Variants in CREBBP observed in about 807,000 individuals in gnomAD.
CREBBP encodes CREB-binding protein.
In CREBBP, 19 loss-of-function variants were observed where a neutral mutation model predicts 265.0. The ratio of observed to expected loss-of-function variants is 0.07; its 90% CI spans 0.05 to 0.11. The LOEUF is 0.11. Ranked by LOEUF, CREBBP falls within the 10% of genes least tolerant of loss-of-function variation. CREBBP has a pLI of 1.00. For synonymous variants in CREBBP, 1,457 were observed against 1,223.7 expected (o/e 1.19, Z -3.98); for missense variants, 2,525 against 3,219.0 (o/e 0.78, Z 5.22).
At chr16:3,748,104 A>ATACATACATAC (rs1567279738) in intron 21 of CREBBP, among the ~76,000 whole-genome samples, 4 of 150,680 alleles carry the variant, frequency 2.7e-5, no homozygotes, top group African/African-American at 7.4e-5. Flanking sequence ...AATAAAAATA[A>ATACATACATAC]ATACATACAT....
At chr16:3,743,798 G>C (rs2052273497) in intron 23 of CREBBP, 1 of 152,194 alleles carries the variant, frequency 6.6e-6, no homozygotes, top group Non-Finnish European at 1.5e-5. Flanking sequence ...AAAAAAGTCA[G>C]CCGGGCGCGG....
chr16:3,810,472 A>C, intron 3 of CREBBP, 131 bp downstream of exon 3: 2 of 1,050,470 alleles, frequency 1.9e-6, no homozygotes, highest in Non-Finnish European at 3.0e-6. Flanking sequence ...TACTCATGAG[A>C]AATCTGGGTT....
intron 5 of CREBBP, among the ~76,000 whole-genome samples, chr16:3,785,261 T>C (rs187235064): frequency 1.3e-5 from 2 of 152,254 alleles, no homozygotes; most frequent in African/African-American, 2.4e-5. Context: ...GTGACTCCTG[T>C]ACCCGCTTGT....
Position 3,764,956 on chromosome 16 carries a change from G to T in CREBBP, c.3250+2764C>A, listed in dbSNP as rs565517941. On this transcript the variant is annotated intron_variant, in intron 16 of 30. Transcript: ENST00000262367. ...CTTAAGCGTTTGGTACATGTGTGTG[G>T]TTTTTTTTTTTGTTTTGTTTTTGTT... Among the ~76,000 whole-genome samples, 53 of 145,726 alleles carry T rather than the reference G, an allele frequency of 3.6e-4. 1 individual carries two copies. The highest frequency in any genetic ancestry group is 1.2e-3 in the African/African-American group (49 of 40,118).
At chr16:3,783,748 C>A (rs917942422) in intron 5 of CREBBP, among the ~76,000 whole-genome samples, 6 of 152,228 alleles carry the variant, frequency 3.9e-5, no homozygotes, top group South Asian at 2.1e-4. Flanking sequence ...TACTGAGGCC[C>A]ACTGCTGGCT....
chr16:3,843,423 ATTT>A (rs71133662), intron 2 of CREBBP, among the ~76,000 whole-genome samples: 1 of 141,798 alleles, frequency 7.1e-6, no homozygotes, highest in Non-Finnish European at 1.5e-5. Flanking sequence ...GTTGTCAAAG[ATTT>A]TTTTTTTTTT....
At chr16:3,735,357 C>T (rs540062705) in intron 28 of CREBBP, among the ~76,000 whole-genome samples, 43 of 152,208 alleles carry the variant, frequency 2.8e-4, no homozygotes, top group African/African-American at 7.9e-4. Flanking sequence ...AGTGCAACGG[C>T]GCAATCTAGG....
intron 23 of CREBBP, 122 bp from the exon 24 acceptor site, chr16:3,740,671 CA>C: frequency 8.7e-7 from 1 of 1,147,738 alleles, no homozygotes; most frequent in Non-Finnish European, 1.3e-6. Flanking sequence ...TAATGTTCTC[CA>C]AACACGGAAG....
At chr16:3,772,857 G>A (rs2053045750) in intron 13 of CREBBP, among the ~76,000 whole-genome samples, 1 of 145,582 alleles carries the variant, frequency 6.9e-6, no homozygotes, top group African/African-American at 2.5e-5. Flanking sequence ...ATCACCTGAG[G>A]TCAGGAGATC....
intron 8 of CREBBP, 54 bp from the exon 9 acceptor site, chr16:3,778,871 A>G (rs969173233): frequency 1.4e-5 from 21 of 1,533,150 alleles, no homozygotes; most frequent in Non-Finnish European, 1.9e-5. Context: ...TTTTTTTTAA[A>G]GACATGGGGT....
At position 3,729,833 on chromosome 16, in the gene CREBBP, A is replaced by G. The variant is rs776367859; in HGVS notation, c.5214T>C (p.His1738=). The change falls in exon 31 of 31, where the codon CAT becomes CAC. Residue 1738 remains histidine (H), a synonymous_variant. Coordinates refer to ENST00000262367, the MANE Select transcript of CREBBP (RefSeq NM_004380.3). The part of the protein sequence containing the change: ...LCINCYNTKS[H]AHKMVKWGLG... ...GCCCCCACTTCACCATCTTATGGGC[A>G]TGGCTCTTCGTGTTATAGCAGTTGA... The G allele has an allele frequency of 3.1e-6, 5 of 1,604,312 alleles. No individual in the cohort carries two copies. The East Asian group carries it at 1.1e-4, about 36-fold the overall frequency.
chr16:3,854,431 C>A (rs1359096789), intron 1 of CREBBP, among the ~76,000 whole-genome samples: 3 of 152,196 alleles, frequency 2.0e-5, no homozygotes, highest in Admixed American at 6.5e-5. Flanking sequence ...CTCTGAACTG[C>A]TGAGTGATGC....
intron 27 of CREBBP, 80 bp from the exon 28 acceptor site, chr16:3,736,283 G>T (rs995450485): frequency 2.8e-6 from 4 of 1,438,544 alleles, no homozygotes; most frequent in Non-Finnish European, 2.9e-6. Context: ...CCCCACGCAA[G>T]CGTGCCCCTC....
chr16:3,816,386 C>T (rs989966572), intron 2 of CREBBP, among the ~76,000 whole-genome samples: 2 of 152,162 alleles, frequency 1.3e-5, no homozygotes, highest in African/African-American at 4.8e-5. Flanking sequence ...CAACTCCAAC[C>T]ACTGCCCCCA....
At chr16:3,776,949 C>T (rs1173244202) in intron 11 of CREBBP, among the ~76,000 whole-genome samples, 1 of 151,782 alleles carries the variant, frequency 6.6e-6, no homozygotes, top group Non-Finnish European at 1.5e-5. Flanking sequence ...ACCCGGGAGG[C>T]GGAGCTTGCA....
In CREBBP at chr16:3,726,297, C is replaced by T. The variant is rs867727493; in HGVS notation, c.*1421G>A. On this transcript the variant is annotated 3_prime_UTR_variant, in exon 31 of 31. Transcript: ENST00000262367. Reference sequence around the variant, plus strand: ...GCGCCGCCTCTGGGGGTGGCAGCTACGACGGACAGGGAGGATGGAGGAGTG... The same window carrying T: ...GCGCCGCCTCTGGGGGTGGCAGCTATGACGGACAGGGAGGATGGAGGAGTG... 6.0e-5 allele frequency: 14 copies of T among 232,998 alleles called. No homozygotes were observed. The highest frequency in any genetic ancestry group is 1.2e-3 in the Middle Eastern group (1 of 808). 14.4% of individuals were successfully genotyped at this position (232,998 alleles called of 1,614,324 possible).
At position 3,749,620 on chromosome 16, in the gene CREBBP, T is replaced by A. The variant is rs1259742748; in HGVS notation, c.3836+7A>T. 1.2e-5 allele frequency: 19 copies of A among 1,593,248 alleles called. No individual in the cohort carries two copies. The highest frequency in any genetic ancestry group is 1.5e-5 in the Non-Finnish European group (17 of 1,161,824). ...TGAAAGTAAAAAAGAAATAGCTATA[T>A]ACTTACGGTTCGGGGTCTAAGGTAT... On this transcript the variant is annotated splice_region_variant and intron_variant, in intron 21 of 30. Coordinates refer to ENST00000262367, the MANE Select transcript of CREBBP (RefSeq NM_004380.3).
At chr16:3,852,755 T>A (rs934877313) in intron 1 of CREBBP, among the ~76,000 whole-genome samples, 8 of 151,996 alleles carry the variant, frequency 5.3e-5, no homozygotes, top group Admixed American at 2.6e-4. Flanking sequence ...AACAAAATAA[T>A]CCGTCTTTCC....
intron 28 of CREBBP, among the ~76,000 whole-genome samples, chr16:3,732,298 C>T (rs920984725): frequency 1.3e-5 from 2 of 152,316 alleles, no homozygotes; most frequent in Middle Eastern, 3.4e-3. Context: ...AGCTGTCTGC[C>T]TTGAGGAAGG....
Sources: allele counts gnomAD v4.1 joint callset (sites outside exome capture counted in the v4.1 genomes callset), GRCh38; gene constraint gnomAD v4.1.1; transcripts MANE v1.5; gene names NCBI Gene and HGNC (gene_info 2026-07-23, HGNC 2026-07-21).